ARHGAP22: variants seen among roughly 807,000 people sequenced by gnomAD.
ARHGAP22 encodes the protein rho GTPase-activating protein 22.
A neutral mutation model predicts 59.1 loss-of-function variants in ARHGAP22; 48 were observed. The ratio of observed to expected loss-of-function variants is 0.81; its 90% CI spans 0.64 to 1.03. ARHGAP22 has a LOEUF of 1.03. Ranked by LOEUF, ARHGAP22 falls within the 50% of genes least tolerant of loss-of-function variation. The pLI is 0.00. For synonymous variants in ARHGAP22, 445 were observed against 416.4 expected (o/e 1.07, Z -0.84); for missense variants, 1,015 against 958.7 (o/e 1.06, Z -0.78).
intron 3 of ARHGAP22, among the ~76,000 whole-genome samples, chr10:48,532,023 T>C (rs2054898634): frequency 6.6e-6 from 1 of 152,246 alleles, no homozygotes; most frequent in South Asian, 2.1e-4. Context: ...GGGCGTGATG[T>C]AGACACTTTG....
chr10:48,440,045 G>A, the ARHGAP22 span, among the ~76,000 whole-genome samples: 2 of 152,146 alleles, frequency 1.3e-5, no homozygotes, highest in Non-Finnish European at 2.9e-5. Flanking sequence ...TCAGAATGTT[G>A]GGAATAAACT....
At chr10:48,621,856 A>G (rs2136036705) in intron 1 of ARHGAP22, among the ~76,000 whole-genome samples, 1 of 152,266 alleles carries the variant, frequency 6.6e-6, no homozygotes, top group East Asian at 1.9e-4. Context: ...TTATATTGTT[A>G]TATCTTCTTG....
downstream of ARHGAP22, among the ~76,000 whole-genome samples, chr10:48,441,534 C>T (rs2045203015): frequency 6.7e-6 from 1 of 150,150 alleles, no homozygotes; most frequent in Non-Finnish European, 1.5e-5. Context: ...TCACTGCAAA[C>T]TCCGCCTCCC....
chr10:48,567,336 C>T (rs575742617), intron 2 of ARHGAP22, among the ~76,000 whole-genome samples: 29 of 152,326 alleles, frequency 1.9e-4, no homozygotes, highest in Non-Finnish European at 3.5e-4. Flanking sequence ...TGCGACCATG[C>T]TCATGGGAAT....
chr10:48,569,472 G>A (rs2058265599), intron 2 of ARHGAP22, among the ~76,000 whole-genome samples: 2 of 152,166 alleles, frequency 1.3e-5, no homozygotes, highest in African/African-American at 4.8e-5. Flanking sequence ...TGAAACATAA[G>A]TTATGCTCTT....
rs2045782466 is a variant in ARHGAP22, at chr10:48,450,305, G to A, written c.1824C>T (p.Ala608=). 8.1e-6 allele frequency: 13 copies of A among 1,607,716 alleles called. No individual in the cohort carries two copies. The highest frequency in any genetic ancestry group is 2.2e-5 in the East Asian group (1 of 44,592). ...ALQGLVTELR[A]ELCRQRTEYE... ...ACTCAGTCCGCTGGCGGCACAGCTC[G>A]GCCCTGAGCTCAGTGACCAGCCCCT... The change falls in exon 9 of 10, where the codon GCC becomes GCT. Residue 608 remains alanine, a synonymous_variant. Coordinates refer to ENST00000249601, the MANE Select transcript of ARHGAP22 (RefSeq NM_021226.4).
intron 1 of ARHGAP22, among the ~76,000 whole-genome samples, chr10:48,600,363 G>A (rs55963165): frequency 0.064 from 9,685 of 152,198 alleles, 997 homozygotes; most frequent in African/African-American, 0.22. Context: ...GTTGGGAGAC[G>A]AGCCAGGGTG....
intron 3 of ARHGAP22, among the ~76,000 whole-genome samples, chr10:48,492,522 G>A (rs2050501638): frequency 6.6e-6 from 1 of 152,160 alleles, no homozygotes; most frequent in South Asian, 2.1e-4. Flanking sequence ...AGGAACAGCT[G>A]TATTTATGTT....
At chr10:48,461,986 C>T (rs1404348934) in intron 4 of ARHGAP22, among the ~76,000 whole-genome samples, 1 of 152,214 alleles carries the variant, frequency 6.6e-6, no homozygotes, top group Non-Finnish European at 1.5e-5. Context: ...ACAGTAAATG[C>T]TCCTCCTCAC....
intron 2 of ARHGAP22, chr10:48,582,578 G>T: frequency 3.5e-6 from 1 of 282,610 alleles, no homozygotes; most frequent in Non-Finnish European, 6.7e-6. Context: ...TTCAGTTTGA[G>T]GCTAGATGTG....
chr10:48,481,178 C>T (rs1251522745), intron 3 of ARHGAP22, among the ~76,000 whole-genome samples: 2 of 152,234 alleles, frequency 1.3e-5, no homozygotes, highest in East Asian at 3.9e-4. Flanking sequence ...TGGAGCCCAA[C>T]CCCAGAGGCT....
In ARHGAP22 at chr10:48,589,376, G is replaced by A. The variant is rs367825016; in HGVS notation, c.35-6224C>T. On this transcript the variant is annotated intron_variant, in intron 1 of 9. Transcript: ENST00000249601. ...AACTTCCTCCATCCTCCCAAATCCT[G>A]CTGTTGCCCAGGGTTGTCCCAGCTG... Among the ~76,000 whole-genome samples, 48 of 152,140 alleles carry A rather than the reference G, an allele frequency of 3.2e-4. No individual in the cohort carries two copies. The East Asian group carries it at 8.3e-3, about 26-fold the overall frequency.
At chr10:48,653,396 C>G (rs1028241555), upstream of ARHGAP22, among the ~76,000 whole-genome samples, 22 of 152,262 alleles carry the variant, frequency 1.4e-4, no homozygotes, top group African/African-American at 5.1e-4. Context: ...AAGGTGCACC[C>G]TGGGCTGCGG....
chr10:48,624,566 GT>G (rs1343616639), intron 1 of ARHGAP22: 26 of 152,334 alleles, frequency 1.7e-4, no homozygotes, highest in African/African-American at 6.3e-4. Flanking sequence ...CCATCCCAAT[GT>G]TTTGCACCCC....
At chr10:48,458,888 G>A (rs371848766) in intron 5 of ARHGAP22, among the ~76,000 whole-genome samples, 3 of 152,184 alleles carry the variant, frequency 2.0e-5, no homozygotes, top group African/African-American at 7.2e-5. Context: ...TCCCCTGGCT[G>A]CAGTGACGGG....
At chr10:48,646,890 G>A (rs1299825324) in intron 1 of ARHGAP22, among the ~76,000 whole-genome samples, 2 of 152,010 alleles carry the variant, frequency 1.3e-5, no homozygotes, top group African/African-American at 4.8e-5. Flanking sequence ...ACTGAACTTC[G>A]ACAAAATTAA....
At chr10:48,526,937 G>GT (rs1271255233) in intron 3 of ARHGAP22, among the ~76,000 whole-genome samples, 2 of 151,882 alleles carry the variant, frequency 1.3e-5, no homozygotes, top group East Asian at 3.8e-4. Flanking sequence ...ATTACACATT[G>GT]TCTTTTTATA....
intron 3 of ARHGAP22, among the ~76,000 whole-genome samples, chr10:48,508,030 C>T (rs1351608511): frequency 6.6e-6 from 1 of 152,134 alleles, no homozygotes; most frequent in Non-Finnish European, 1.5e-5. Flanking sequence ...GCTTCTCGGG[C>T]CATCCCTGCC....
chr10:48,645,612 C>T (rs1223682529), intron 1 of ARHGAP22, among the ~76,000 whole-genome samples: 2 of 152,072 alleles, frequency 1.3e-5, no homozygotes, highest in African/African-American at 4.8e-5. Flanking sequence ...TTTTAAAAAA[C>T]AACAACTCTC....
Sources: gnomAD v4.1 joint callset for allele counts (sites outside exome capture counted in the v4.1 genomes callset) on GRCh38, gnomAD v4.1.1 for gene constraint, MANE v1.5 for transcripts, NCBI Gene and HGNC (gene_info 2026-07-23, HGNC 2026-07-21) for gene names.